YARS2: variants seen among roughly 807,000 people sequenced by gnomAD.
YARS2 encodes the protein tyrosine--tRNA ligase, mitochondrial.
A neutral mutation model predicts 45.0 loss-of-function variants in YARS2; 38 were observed. The observed-to-expected ratio is 0.84, with a 90% CI of 0.65 to 1.11. YARS2 has a LOEUF of 1.11. YARS2 is among the 50% of genes least tolerant of loss of function. The pLI is 0.00. For synonymous variants in YARS2, 287 were observed against 245.1 expected (o/e 1.17, Z -1.60); for missense variants, 602 against 599.8 (o/e 1.00, Z -0.04).
chr12:32,755,176 G>T lies in YARS2; in HGVS notation c.699C>A (p.Phe233Leu), dbSNP rs1045810484. ...VLQAYDFYYL[F>L]QRYGCRVQLG... is the part of the protein sequence containing the mutation. ...GCTGGACCCTGCATCCATAACGCTG[G>T]AAGAGGTAATAGAAGTCATAGGCCT... The change falls in exon 1 of 5, where the codon TTC becomes TTA. Residue 233 changes from phenylalanine (F) to leucine (L), a missense_variant. Transcript: ENST00000324868. The T allele has an allele frequency of 1.2e-6, 2 of 1,614,200 alleles. No homozygotes were observed. The highest frequency in any genetic ancestry group is 1.7e-6 in the Non-Finnish European group (2 of 1,180,044).
intron 3 of YARS2, 83 bp from the exon 4 acceptor site, chr12:32,750,190 G>A: frequency 6.5e-7 from 1 of 1,549,936 alleles, no homozygotes; most frequent in Non-Finnish European, 8.8e-7. Context: ...ATTATAGAGT[G>A]TCCAAGTTCT....
intron 2 of YARS2, among the ~76,000 whole-genome samples, chr12:32,751,461 A>G (rs1280937996): frequency 6.6e-6 from 1 of 152,146 alleles, no homozygotes; most frequent in African/African-American, 2.4e-5. Flanking sequence ...TCATAAATCT[A>G]AGTTTATGTG....
At chr12:32,750,328 A>G (rs1175882383) in intron 3 of YARS2, among the ~76,000 whole-genome samples, 1 of 151,982 alleles carries the variant, frequency 6.6e-6, no homozygotes, top group Non-Finnish European at 1.5e-5. Flanking sequence ...CAGCCTCCTG[A>G]GTAGCTGGGA....
intron 1 of YARS2, 110 bp from the exon 2 acceptor site, chr12:32,754,195 G>T: frequency 8.1e-7 from 1 of 1,236,366 alleles, no homozygotes; most frequent in Non-Finnish European, 1.2e-6. Context: ...AAACTTCCTT[G>T]ACCTCCTAAA....
chr12:32,755,390 C>G lies in YARS2; in HGVS notation c.485G>C (p.Gly162Ala), dbSNP rs1381151980. 6.2e-7 allele frequency: 1 copy of G among 1,613,878 alleles called. No individual in the cohort carries two copies. Among genetic ancestry groups the G allele is most frequent in the Non-Finnish European group, 8.5e-7 (1 of 1,180,038 alleles). Residue 162 changes from glycine to alanine, a missense_variant, in exon 1 of 5, where the codon GGG (glycine) becomes GCG (alanine). Transcript: ENST00000324868. The stretch of plus-strand genomic sequence containing the variant: ...CACAGTGAAGCTGCCCCAGGAGCGC[C>G]CATCAGTGAAAAGCTGCTGGTGATT... ...AANHQQLFTD[G>A]RSWGSFTVLD...
chr12:32,749,681 T>C (rs1474272215), intron 4 of YARS2, among the ~76,000 whole-genome samples: 2 of 151,958 alleles, frequency 1.3e-5, no homozygotes, highest in Non-Finnish European at 2.9e-5. Flanking sequence ...CCCGGGTTGA[T>C]GCCATTCTCC....
intron 1 of YARS2, 105 bp downstream of exon 1, chr12:32,754,991 G>C (rs1955819560): frequency 6.9e-7 from 1 of 1,449,754 alleles, no homozygotes; most frequent in Admixed American, 1.7e-5. Context: ...AAACCAACAA[G>C]AGCTGGAACG....
rs765037531 is a variant in YARS2, at chr12:32,747,245, C to G, written c.1393G>C (p.Gly465Arg). The G allele has an allele frequency of 1.2e-6, 2 of 1,613,514 alleles. No homozygotes were observed. Among genetic ancestry groups the G allele is most frequent in the African/African-American group, 2.7e-5 (2 of 74,880 alleles). The change falls in exon 5 of 5, where the codon GGA becomes CGA. Residue 465 changes from glycine (G) to arginine (R), a missense_variant. Coordinates refer to ENST00000324868, the MANE Select transcript of YARS2 (RefSeq NM_001040436.3). The part of the protein sequence containing the change: ...LKNGLSLLKI[G>R]KRNFYIIKWL... The stretch of plus-strand genomic sequence containing the variant: ...TTTATAATGTAGAAATTTCTTTTTC[C>G]TATTTTAAGTAAGGAAAGTCCATTC...
Position 32,747,207 on chromosome 12 carries a change from CA to C in YARS2, c.1430del (p.Leu477CysfsTer11). 1 of 1,612,332 alleles carries C rather than the reference CA, an allele frequency of 6.2e-7. No homozygotes were observed. Among genetic ancestry groups the C allele is most frequent in the Non-Finnish European group, 8.5e-7 (1 of 1,179,854 alleles). Reference sequence around the variant, plus strand: ...GGACAACCAGAAGGACTTTTCATCACAACTGAAGCCATTTTATAATGTAGAA... The same window carrying C: ...GGACAACCAGAAGGACTTTTCATCACACTGAAGCCATTTTATAATGTAGAA... ...RNFYIIKWLQ[L>X] On this transcript the variant is annotated frameshift_variant, in exon 5 of 5. Coordinates refer to ENST00000324868, the MANE Select transcript of YARS2 (RefSeq NM_001040436.3). LOFTEE classifies it high-confidence loss of function.
chr12:32,754,168 G>A, intron 1 of YARS2, 83 bp from the exon 2 acceptor site: 1 of 1,549,838 alleles, frequency 6.5e-7, no homozygotes, highest in Non-Finnish European at 8.9e-7. Flanking sequence ...ATTTCTTTCT[G>A]GTTACTTGCT....
Position 32,755,634 on chromosome 12 carries a change from C to T in YARS2, c.241G>A (p.Asp81Asn). The change falls in exon 1 of 5, where the codon GAC (aspartate) becomes AAC (asparagine). Residue 81 changes from aspartate to asparagine, a missense_variant. Asp to Asn is a conservative substitution (Grantham distance 23). Transcript: ENST00000324868. Reference sequence around the variant, plus strand: ...ACATGAAGCGAGTCTGCCGTGGGGTCGAAGCCACAGTAAATGGTTTGGGGA... The same window carrying T: ...ACATGAAGCGAGTCTGCCGTGGGGTTGAAGCCACAGTAAATGGTTTGGGGA... ...SFPQTIYCGF[D>N]PTADSLHVGH... The T allele has an allele frequency of 6.2e-7, 1 of 1,614,184 alleles. No individual in the cohort carries two copies. The highest frequency in any genetic ancestry group is 8.5e-7 in the Non-Finnish European group (1 of 1,180,030).
Position 32,755,830 on chromosome 12 carries a change from A to G in YARS2, c.45T>C (p.Ser15=), listed in dbSNP as rs373141342. The change falls in exon 1 of 5, where the codon TCT becomes TCC. Residue 15 remains serine, a synonymous_variant. Transcript: ENST00000324868. Reference sequence around the variant, plus strand: ...ACAATACTGAGAGATTTAGGGTACCAGACCACCGGCCCCAGGAAAAGGACC... The same window carrying G: ...ACAATACTGAGAGATTTAGGGTACCGGACCACCGGCCCCAGGAAAAGGACC... ...ILRSFSWGRW[S]GTLNLSVLLP... 1.9e-6 allele frequency: 3 copies of G among 1,613,316 alleles called. No individual in the cohort carries two copies. Among genetic ancestry groups the G allele is most frequent in the African/African-American group, 2.7e-5 (2 of 74,938 alleles).
In YARS2 at chr12:32,755,167, A is replaced by G. The variant is rs756919530; in HGVS notation, c.708T>C (p.Tyr236=). 1.2e-6 allele frequency: 2 copies of G among 1,614,226 alleles called. No homozygotes were observed. Among genetic ancestry groups the G allele is most frequent in the South Asian group, 1.1e-5 (1 of 91,088 alleles). Residue 236 remains tyrosine (Y), a synonymous_variant, in exon 1 of 5, where the codon TAT becomes TAC. Transcript: ENST00000324868. Reference sequence around the variant, plus strand: ...ATCCGCCCAGCTGGACCCTGCATCCATAACGCTGGAAGAGGTAATAGAAGT... The same window carrying G: ...ATCCGCCCAGCTGGACCCTGCATCCGTAACGCTGGAAGAGGTAATAGAAGT... ...AYDFYYLFQR[Y]GCRVQLGGSD... is the part of the protein sequence containing the mutation.
Position 32,746,832 on chromosome 12 carries a change from C to T in YARS2, c.*372G>A. On this transcript the variant is annotated 3_prime_UTR_variant, in exon 5 of 5. Coordinates refer to ENST00000324868, the MANE Select transcript of YARS2 (RefSeq NM_001040436.3). ...GGATTACAGGTGTGAGCCACCATGC[C>T]CAGCCTCACAATTCCTTACACTACC... The T allele has an allele frequency of 4.6e-6, 1 of 217,916 alleles. No homozygotes were observed. The highest frequency in any genetic ancestry group is 6.6e-5 in the South Asian group (1 of 15,074). 13.5% of individuals were successfully genotyped at this position (217,916 alleles called of 1,614,324 possible). A position where few individuals can be genotyped will look rare whatever the true frequency, so the allele number is the denominator to read the frequency against.
rs186183339 is a variant in YARS2 at position 32,749,543 on chromosome 12, G to A, written c.1274+394C>T. Among the ~76,000 whole-genome samples, 325 of 152,254 alleles carry A rather than the reference G, an allele frequency of 2.1e-3. 1 individual carries two copies. The highest frequency in any genetic ancestry group is 0.02 in the Middle Eastern group (6 of 294). On this transcript the variant is annotated intron_variant, in intron 4 of 4. Coordinates refer to ENST00000324868, the MANE Select transcript of YARS2 (RefSeq NM_001040436.3). ...AGAGATGCCACTAAAGCACTATCAG[G>A]AAAACATCCTCTCTGGAAACACATG...
chr12:32,750,703 C>T lies in YARS2; in HGVS notation c.1103+16G>A. 6.2e-7 allele frequency: 1 copy of T among 1,613,260 alleles called. No homozygotes were observed. The highest frequency in any genetic ancestry group is 8.5e-7 in the Non-Finnish European group (1 of 1,179,956). On this transcript the variant is annotated intron_variant, in intron 3 of 4. Coordinates refer to ENST00000324868, the MANE Select transcript of YARS2 (RefSeq NM_001040436.3). ...GAATAACTAACTATCAAGTGTTAAT[C>T]ATACTAAACTACTACCTTTTAGCAG...
Position 32,750,741 on chromosome 12 carries a change from C to G in YARS2, c.1081G>C (p.Glu361Gln), listed in dbSNP as rs148805938. The change falls in exon 3 of 5, where the codon GAA becomes CAA. Residue 361 changes from glutamate to glutamine, a missense_variant. Glu to Gln is a conservative substitution (Grantham distance 29). Coordinates refer to ENST00000324868, the MANE Select transcript of YARS2 (RefSeq NM_001040436.3). The part of the protein sequence containing the change: ...AEVTKLVHGR[E>Q]GLDSAKRCTQ... ...TACCTTTTAGCAGAATCCAATCCTT[C>G]TCGTCCATGAACAAGCTTTGTTACT... is the stretch of plus-strand genomic sequence containing the variant. 1 of 1,614,004 alleles carries G rather than the reference C, an allele frequency of 6.2e-7. No homozygotes were observed. Among genetic ancestry groups the G allele is most frequent in the African/African-American group, 1.3e-5 (1 of 74,938 alleles).
chr12:32,755,422 C>T lies in YARS2; in HGVS notation c.453G>A (p.Leu151=), dbSNP rs1261428842. 1 of 1,613,486 alleles carries T rather than the reference C, an allele frequency of 6.2e-7. No homozygotes were observed. The highest frequency in any genetic ancestry group is 1.3e-5 in the African/African-American group (1 of 74,952). The change falls in exon 1 of 5, where the codon CTG becomes CTA. Residue 151 remains leucine (L), a synonymous_variant. Transcript: ENST00000324868. The stretch of plus-strand genomic sequence containing the variant: ...TGAAAAGCTGCTGGTGATTAGCCGC[C>T]AGGGCCTCAAGCCCTAGGCGCAGAG... ...ARALRLGLEA[L]AANHQQLFTD...
At chr12:32,754,415 A>G (rs2137660606) in intron 1 of YARS2, among the ~76,000 whole-genome samples, 1 of 152,344 alleles carries the variant, frequency 6.6e-6, no homozygotes. Context: ...AACGCCTTTT[A>G]AACATGTGCT....
Sources: gnomAD v4.1 joint callset for allele counts (sites outside exome capture counted in the v4.1 genomes callset) on GRCh38, gnomAD v4.1.1 for gene constraint, MANE v1.5 for transcripts, NCBI Gene and HGNC (gene_info 2026-07-23, HGNC 2026-07-21) for gene names.